The following IL7 variants were observed in gnomAD, a reference collection of about 807,000 sequenced individuals.
IL7 encodes interleukin 7, also known as interleukin-7.
Under a neutral mutation model 21.6 loss-of-function variants are expected in IL7, and 3 were observed. That is an observed-to-expected ratio of 0.14 (90% confidence interval 0.06 to 0.36). The LOEUF is 0.36. IL7 is among the 10% of genes least tolerant of loss of function. The pLI, the probability that IL7 is intolerant of heterozygous loss-of-function variation, is 1.00. For synonymous variants in IL7, 62 were observed against 68.1 expected (o/e 0.91, Z 0.44); for missense variants, 175 against 200.2 (o/e 0.87, Z 0.76).
chr8:78,783,170 C>A (rs1813396984), intron 2 of IL7, among the ~76,000 whole-genome samples: 1 of 152,138 alleles, frequency 6.6e-6, no homozygotes, highest in Middle Eastern at 3.2e-3. Flanking sequence ...CTTAGGCAGA[C>A]CCCAGCCCAG....
chr8:78,680,719 G>T (rs184391551), intron 4 of IL7, among the ~76,000 whole-genome samples: 1 of 152,158 alleles, frequency 6.6e-6, no homozygotes, highest in Non-Finnish European at 1.5e-5. Context: ...GAAATTACCC[G>T]TAAGAGGAGG....
intron 4 of IL7, among the ~76,000 whole-genome samples, chr8:78,682,426 A>T (rs1809817089): frequency 6.6e-6 from 1 of 152,164 alleles, no homozygotes; most frequent in Non-Finnish European, 1.5e-5. Flanking sequence ...GTGGAAGGTG[A>T]AGAAGGAACA....
chr8:78,796,996 C>A (rs1410827549), intron 2 of IL7, among the ~76,000 whole-genome samples: 2 of 151,964 alleles, frequency 1.3e-5, no homozygotes, highest in Non-Finnish European at 2.9e-5. Flanking sequence ...TTGGAAGCAA[C>A]TGTGACACAT....
chr8:78,798,744 C>G (rs550181075), intron 1 of IL7, among the ~76,000 whole-genome samples: 49 of 151,920 alleles, frequency 3.2e-4, no homozygotes, highest in African/African-American at 1.2e-3. Flanking sequence ...AATAATGAAC[C>G]CTGAAGGGTT....
At chr8:78,739,524 T>G (rs112566703) in intron 3 of IL7, among the ~76,000 whole-genome samples, 3,249 of 152,088 alleles carry the variant, frequency 0.021, 119 homozygotes, top group African/African-American at 0.068. Flanking sequence ...AAACCCCGTC[T>G]CCACTAAAAA....
At chr8:78,731,556 T>C (rs1000059242), downstream of IL7, among the ~76,000 whole-genome samples, 1 of 151,858 alleles carries the variant, frequency 6.6e-6, no homozygotes, top group African/African-American at 2.4e-5. Flanking sequence ...TTTTGTAGCA[T>C]TGACAAGGAT....
downstream of IL7, chr8:78,717,572 A>G (rs1024246511): frequency 2.8e-6 from 4 of 1,434,588 alleles, no homozygotes; most frequent in Non-Finnish European, 3.7e-6. Context: ...CACATCCTCT[A>G]GTTAGTTTGT....
At chr8:78,799,837 CTCTT>C (rs561099531) in intron 1 of IL7, among the ~76,000 whole-genome samples, 4 of 152,140 alleles carry the variant, frequency 2.6e-5, no homozygotes, top group Non-Finnish European at 5.9e-5. Context: ...TTTTGCCTCT[CTCTT>C]CTACTCCTGT....
chr8:78,715,084 A>G, downstream of IL7: 1 of 730,244 alleles, frequency 1.4e-6, no homozygotes, highest in Non-Finnish European at 2.1e-6. Context: ...TTTCAGATTT[A>G]AAATAATTAT....
Position 78,760,268 on chromosome 8 carries a change from C to T in IL7, c.148-20186G>A, listed in dbSNP as rs1400536593. 5.1e-5 allele frequency: 82 copies of T among 1,606,254 alleles called. No homozygotes were observed. In the East Asian group the frequency reaches 1.8e-3, roughly 36 times the overall value. On this transcript the variant is annotated intron_variant, in intron 2 of 5. Transcript: ENST00000263851. ...TATCAAAATTTATGTTAAGCAAAGC[C>T]AAGTTACTTGACCTTTGGTCTGTCA... is the stretch of plus-strand genomic sequence containing the variant.
chr8:78,708,218 C>T lies in IL7; in HGVS notation n.214+13130G>A, dbSNP rs528535109. 7.5e-4 allele frequency among the ~76,000 whole-genome samples: 114 copies of T among 152,270 alleles called. 1 individual carries two copies. Among genetic ancestry groups the T allele is most frequent in the Middle Eastern group, 3.4e-3 (1 of 294 alleles). On this transcript the variant is annotated intron_variant and non_coding_transcript_variant, in intron 3 of 4. Coordinates refer to the IL7 transcript ENST00000523959. ...GAGCATTCGCTGAGATTAGTAAATGCTGTTATTTCAGTGGATTGCAATTAT... is the reference window on the plus strand; with the variant it reads ...GAGCATTCGCTGAGATTAGTAAATGTTGTTATTTCAGTGGATTGCAATTAT...
chr8:78,691,416 A>G (rs535692720), intron 3 of IL7, among the ~76,000 whole-genome samples: 10 of 152,134 alleles, frequency 6.6e-5, no homozygotes, highest in Non-Finnish European at 4.4e-5. Context: ...TGTGATAAGA[A>G]TATAGCCATT....
downstream of IL7, among the ~76,000 whole-genome samples, chr8:78,730,827 AAAT>A (rs1290853639): frequency 6.6e-6 from 1 of 152,014 alleles, no homozygotes; most frequent in African/African-American, 2.4e-5. Context: ...GAATCTGGTC[AAAT>A]AATAATGAAT....
intron 4 of IL7, among the ~76,000 whole-genome samples, chr8:78,676,322 G>T (rs1465572785): frequency 6.6e-6 from 1 of 151,816 alleles, no homozygotes; most frequent in African/African-American, 2.4e-5. Context: ...TTTTCTGTCA[G>T]CTCTTATTTA....
chr8:78,700,009 G>A lies in IL7; in HGVS notation n.215-14062C>T, dbSNP rs150773623. On this transcript the variant is annotated intron_variant and non_coding_transcript_variant, in intron 3 of 4. Coordinates refer to the IL7 transcript ENST00000523959. The stretch of plus-strand genomic sequence containing the variant: ...AATGGGATTGCTGGGGGAAATGGTA[G>A]TTCTGTCTTTAGGTCTTTGAGGAAT... Among the ~76,000 whole-genome samples, 478 of 152,216 alleles carry A rather than the reference G, an allele frequency of 3.1e-3. 1 individual carries two copies. The highest frequency in any genetic ancestry group is 4.9e-3 in the Non-Finnish European group (330 of 67,980).
downstream of IL7, chr8:78,715,234 C>A (rs1811062507): frequency 6.2e-7 from 1 of 1,613,506 alleles, no homozygotes. Context: ...TAATGTCAAA[C>A]CCCGAAATTC....
At chr8:78,758,440 C>T (rs369685670) in intron 2 of IL7, among the ~76,000 whole-genome samples, 2 of 151,876 alleles carry the variant, frequency 1.3e-5, no homozygotes, top group Admixed American at 6.6e-5. Flanking sequence ...TCTGCTCTAC[C>T]CGTGAGTTTA....
intron 2 of IL7, among the ~76,000 whole-genome samples, chr8:78,775,391 A>C (rs1813098972): frequency 6.6e-6 from 1 of 152,164 alleles, no homozygotes; most frequent in South Asian, 2.1e-4. Flanking sequence ...GAATTCATCC[A>C]GGGCATTCAT....
intron 2 of IL7, among the ~76,000 whole-genome samples, chr8:78,765,379 G>T (rs1463915093): frequency 5.3e-5 from 8 of 152,086 alleles, no homozygotes; most frequent in African/African-American, 1.9e-4. Flanking sequence ...AGCAGCATCA[G>T]GAGAATGAGA....
Sources: allele counts gnomAD v4.1 joint callset (sites outside exome capture counted in the v4.1 genomes callset), GRCh38; gene constraint gnomAD v4.1.1; transcripts MANE v1.5; gene names NCBI Gene and HGNC (gene_info 2026-07-23, HGNC 2026-07-21).